URM1: variants seen among roughly 807,000 people sequenced by gnomAD.
URM1 encodes ubiquitin related modifier 1.
URM1 carries 11 observed loss-of-function variants against 17.7 expected under a neutral mutation model. The observed-to-expected ratio is 0.62, with a 90% CI of 0.39 to 1.03. The LOEUF (loss-of-function observed/expected upper bound fraction) is 1.03, where lower values mean the gene tolerates loss of function less well. Ranked by LOEUF, URM1 falls within the 50% of genes least tolerant of loss-of-function variation. URM1 has a pLI of 0.00. For synonymous variants in URM1, 48 were observed against 50.6 expected (o/e 0.95, Z 0.22); for missense variants, 128 against 129.2 (o/e 0.99, Z 0.04).
chr9:128,383,804 G>T (rs977176266), intron 2 of URM1, among the ~76,000 whole-genome samples: 4 of 152,176 alleles, frequency 2.6e-5, no homozygotes, highest in African/African-American at 9.7e-5. Flanking sequence ...GACACCCTTT[G>T]GGGCCCTCCC....
At chr9:128,373,394 CA>C (rs1055459473) in intron 1 of URM1, among the ~76,000 whole-genome samples, 1 of 152,134 alleles carries the variant, frequency 6.6e-6, no homozygotes, top group African/African-American at 2.4e-5. Context: ...AGCAAATTTG[CA>C]AAGGCTAACA....
intron 2 of URM1, 47 bp downstream of exon 2, chr9:128,378,153 A>G (rs756800227): frequency 1.4e-6 from 2 of 1,419,224 alleles, no homozygotes; most frequent in Non-Finnish European, 2.0e-6. Context: ...ATTGAACAGG[A>G]GTTGGTCCAT....
intron 2 of URM1, among the ~76,000 whole-genome samples, chr9:128,383,165 T>C (rs1409527285): frequency 6.6e-6 from 1 of 152,090 alleles, no homozygotes; most frequent in Non-Finnish European, 1.5e-5. Flanking sequence ...TGATCCCCTC[T>C]CCACCTCCCT....
intron 2 of URM1, among the ~76,000 whole-genome samples, chr9:128,385,588 G>A (rs758711509): frequency 6.6e-6 from 1 of 152,132 alleles, no homozygotes; most frequent in African/African-American, 2.4e-5. Context: ...CCATCCCCAA[G>A]CCACCAGCCC....
chr9:128,388,184 T>G, intron 3 of URM1: 1 of 1,244,288 alleles, frequency 8.0e-7, no homozygotes, highest in South Asian at 2.4e-5. Context: ...TTACTTCGCT[T>G]CTCTGGGCCT....
At chr9:128,371,945 CTT>C (rs1373087391) in intron 1 of URM1, among the ~76,000 whole-genome samples, 2 of 152,222 alleles carry the variant, frequency 1.3e-5, no homozygotes, top group Non-Finnish European at 2.9e-5. Context: ...AGTCAGTAAA[CTT>C]GCTGATTGCC....
intron 1 of URM1, among the ~76,000 whole-genome samples, chr9:128,374,920 G>C (rs1833058372): frequency 6.6e-6 from 1 of 152,206 alleles, no homozygotes; most frequent in Non-Finnish European, 1.5e-5. Context: ...CCTTGGCCAG[G>C]TGCTGGGACA....
Position 128,387,681 on chromosome 9 carries a change from A to G in URM1, c.107-135A>G. On this transcript the variant is annotated intron_variant, in intron 2 of 4. Transcript: ENST00000372853. The surrounding 1 kb of genome is among the most constrained non-coding windows in gnomAD (Gnocchi z 4.3). The stretch of plus-strand genomic sequence containing the variant: ...CCTCACCTTTGGAATCTACAAGTTC[A>G]TGGGCTATCACAGCCTGGTCTAAAA... The G allele has an allele frequency of 7.0e-7, 1 of 1,422,928 alleles. No individual in the cohort carries two copies. Among genetic ancestry groups the G allele is most frequent in the Non-Finnish European group, 9.5e-7 (1 of 1,048,646 alleles). The allele number at this position is 1,422,928 out of a possible 1,614,324, so 88.1% of individuals were successfully genotyped here.
At chr9:128,372,811 T>C (rs1428175830) in intron 1 of URM1, among the ~76,000 whole-genome samples, 1 of 152,026 alleles carries the variant, frequency 6.6e-6, no homozygotes, top group Non-Finnish European at 1.5e-5. Flanking sequence ...TGGAGGCTCA[T>C]GCCTGTAATC....
intron 2 of URM1, among the ~76,000 whole-genome samples, chr9:128,380,486 G>C (rs1833144564): frequency 6.6e-6 from 1 of 152,138 alleles, no homozygotes; most frequent in African/African-American, 2.4e-5. Flanking sequence ...ATGCAGCCTT[G>C]GGAGGGCACA....
chr9:128,388,923 C>T lies in URM1; in HGVS notation c.189-338C>T, dbSNP rs1053795765. 3.3e-5 allele frequency: 36 copies of T among 1,104,012 alleles called. No individual in the cohort carries two copies. The South Asian group carries it at 3.4e-4, about 10-fold the overall frequency. The allele number at this position is 1,104,012 out of a possible 1,614,324, so 68.4% of individuals were successfully genotyped here. The stretch of plus-strand genomic sequence containing the variant: ...GCACTCCACACATATCAGCTCATTT[C>T]GTTTTCGTATAGGCCTTGTGGGTTA... On this transcript the variant is annotated intron_variant, in intron 3 of 4. Transcript: ENST00000372853.
intron 2 of URM1, among the ~76,000 whole-genome samples, chr9:128,379,056 G>C (rs1316996358): frequency 3.3e-5 from 5 of 152,072 alleles, no homozygotes; most frequent in Non-Finnish European, 5.9e-5. Context: ...TGTAACCTTA[G>C]CAGTGGGTTC....
chr9:128,386,212 C>A (rs867181067), intron 2 of URM1, among the ~76,000 whole-genome samples: 3 of 152,212 alleles, frequency 2.0e-5, no homozygotes, highest in African/African-American at 7.2e-5. Context: ...ATGTGTCAGA[C>A]CCCGGTGGCT....
At position 128,387,192 on chromosome 9, in the gene URM1, G is replaced by A. The variant is rs529979420; in HGVS notation, c.107-624G>A. On this transcript the variant is annotated intron_variant, in intron 2 of 4. Coordinates refer to ENST00000372853, the MANE Select transcript of URM1 (RefSeq NM_030914.4). The surrounding 1 kb of genome is among the most constrained non-coding windows in gnomAD (Gnocchi z 4.3). Reference sequence around the variant, plus strand: ...ACCCGAACCTCTGGCCACCGCTGGCGCGGAGGGCTCTGGAAGCACAGGGTG... The same window carrying A: ...ACCCGAACCTCTGGCCACCGCTGGCACGGAGGGCTCTGGAAGCACAGGGTG... Among the ~76,000 whole-genome samples, 93 of 152,364 alleles carry A rather than the reference G, an allele frequency of 6.1e-4. 2 individuals are homozygous for A. In the South Asian group the frequency reaches 0.017, roughly 28 times the overall value.
intron 2 of URM1, among the ~76,000 whole-genome samples, chr9:128,386,442 G>C (rs1296974703): frequency 6.6e-6 from 1 of 152,232 alleles, no homozygotes; most frequent in African/African-American, 2.4e-5. Flanking sequence ...TTGTTTAAAA[G>C]GAGACATTAA....
At chr9:128,377,627 A>T (rs1397609067) in intron 1 of URM1, among the ~76,000 whole-genome samples, 1 of 152,140 alleles carries the variant, frequency 6.6e-6, no homozygotes, top group African/African-American at 2.4e-5. Flanking sequence ...CTGAGATCAC[A>T]CCACTGCACT....
chr9:128,387,691 A>G lies in URM1; in HGVS notation c.107-125A>G, dbSNP rs1170996560. The G allele has an allele frequency of 4.7e-6, 7 of 1,493,696 alleles. No individual in the cohort carries two copies. In the Admixed American group the frequency reaches 1.3e-4, roughly 28 times the overall value. The allele number at this position is 1,493,696 out of a possible 1,614,324, so 92.5% of individuals were successfully genotyped here. A position where few individuals can be genotyped will look rare whatever the true frequency, so the allele number is the denominator to read the frequency against. Reference sequence around the variant, plus strand: ...GGAATCTACAAGTTCATGGGCTATCACAGCCTGGTCTAAAAGAAGCCCTCT... The same window carrying G: ...GGAATCTACAAGTTCATGGGCTATCGCAGCCTGGTCTAAAAGAAGCCCTCT... On this transcript the variant is annotated intron_variant, in intron 2 of 4. Coordinates refer to ENST00000372853, the MANE Select transcript of URM1 (RefSeq NM_030914.4). This position sits in a 1 kb window ranked among gnomAD's most constrained non-coding sequence, Gnocchi z 4.3.
In URM1 at chr9:128,387,682, T is replaced by C; in HGVS notation, c.107-134T>C. On this transcript the variant is annotated intron_variant, in intron 2 of 4. Coordinates refer to ENST00000372853, the MANE Select transcript of URM1 (RefSeq NM_030914.4). The surrounding 1 kb of genome is among the most constrained non-coding windows in gnomAD (Gnocchi z 4.3). ...CTCACCTTTGGAATCTACAAGTTCA[T>C]GGGCTATCACAGCCTGGTCTAAAAG... 1 of 1,426,844 alleles carries C rather than the reference T, an allele frequency of 7.0e-7. No homozygotes were observed. 88.4% of individuals were successfully genotyped at this position (1,426,844 alleles called of 1,614,324 possible).
rs570233262 is a variant in URM1, at chr9:128,391,240, C to T, written c.*1506C>T. 6.6e-6 allele frequency: 1 copy of T among 152,312 alleles called. No homozygotes were observed. Among genetic ancestry groups the T allele is most frequent in the East Asian group, 1.9e-4 (1 of 5,182 alleles). The allele number at this position is 152,312 out of a possible 1,614,324, so 9.4% of individuals were successfully genotyped here. On this transcript the variant is annotated 3_prime_UTR_variant, in exon 5 of 5. Coordinates refer to ENST00000372853, the MANE Select transcript of URM1 (RefSeq NM_030914.4). ...TCTCACCCTGTGGAGATGAAAGTGG[C>T]AAAAGGTTGTCCCAGCAGTGTTGGG...
Sources: allele counts gnomAD v4.1 joint callset (sites outside exome capture counted in the v4.1 genomes callset), GRCh38; gene constraint gnomAD v4.1.1; non-coding constraint Gnocchi (gnomAD v3.1); transcripts MANE v1.5; gene names NCBI Gene and HGNC (gene_info 2026-07-23, HGNC 2026-07-21).